Variants in PRIM2 observed in about 807,000 individuals in gnomAD.
PRIM2 encodes DNA primase large subunit.
In PRIM2, 39 loss-of-function variants were observed where a neutral mutation model predicts 67.3. The ratio of observed to expected loss-of-function variants is 0.58; its 90% confidence interval spans 0.45 to 0.76. The LOEUF (loss-of-function observed/expected upper bound fraction) is 0.76. PRIM2 is among the 30% of genes least tolerant of loss of function. PRIM2 has a pLI of 0.00. For missense variants in PRIM2, 398 were observed against 598.7 expected, an observed-to-expected ratio of 0.66 and a Z score of 3.50; for synonymous variants, 143 against 198.7, an observed-to-expected ratio of 0.72 and a Z score of 2.36.
intron 7 of PRIM2, among the ~76,000 whole-genome samples, chr6:57,422,698 A>T (rs1771505462): frequency 6.6e-6 from 1 of 150,682 alleles, no homozygotes; most frequent in Admixed American, 6.6e-5. Flanking sequence ...CATTTTTTTG[A>T]TGGAATTCTT....
intron 7 of PRIM2, among the ~76,000 whole-genome samples, chr6:57,492,262 T>A (rs2127410529): frequency 6.6e-6 from 1 of 152,220 alleles, no homozygotes; most frequent in African/African-American, 2.4e-5. Context: ...ATATGTAATT[T>A]AAAATTTTCT....
intron 7 of PRIM2, among the ~76,000 whole-genome samples, chr6:57,394,923 G>A (rs979283643): frequency 2.0e-5 from 3 of 152,150 alleles, no homozygotes; most frequent in African/African-American, 4.8e-5. Context: ...AGATGATCAT[G>A]TGATTTTTTG....
At chr6:57,588,509 T>G (rs1776233725) in intron 10 of PRIM2, among the ~76,000 whole-genome samples, 2 of 151,526 alleles carry the variant, frequency 1.3e-5, no homozygotes, top group South Asian at 4.2e-4. Flanking sequence ...TAGACAATTC[T>G]CTGGTGAGGA....
chr6:57,428,161 G>T (rs1448572096), intron 7 of PRIM2, among the ~76,000 whole-genome samples: 2 of 152,118 alleles, frequency 1.3e-5, no homozygotes, highest in South Asian at 2.1e-4. Context: ...ACCTTGGAAA[G>T]TGTTTTTTTG....
chr6:57,451,487 C>A (rs879572173), intron 7 of PRIM2, among the ~76,000 whole-genome samples: 2 of 152,042 alleles, frequency 1.3e-5, no homozygotes, highest in Non-Finnish European at 2.9e-5. Flanking sequence ...AATCTTTATT[C>A]GATAATTGGA....
intron 7 of PRIM2, among the ~76,000 whole-genome samples, chr6:57,441,760 A>G (rs575642699): frequency 4.6e-4 from 70 of 152,294 alleles, no homozygotes; most frequent in African/African-American, 1.7e-3. Context: ...TTCTTTGTAG[A>G]TATCTATTCC....
chr6:57,499,246 A>T (rs1554346630), intron 7 of PRIM2, among the ~76,000 whole-genome samples: 1 of 152,226 alleles, frequency 6.6e-6, no homozygotes, highest in East Asian at 1.9e-4. Context: ...TGCCCGACAG[A>T]TATCTCTAAT....
chr6:57,640,940 A>AC (rs1334573002), intron 13 of PRIM2, among the ~76,000 whole-genome samples: 4 of 114,842 alleles, frequency 3.5e-5, no homozygotes, highest in African/African-American at 1.2e-4. Context: ...AAGCAAAAAA[A>AC]CAAAAAAAAA....
chr6:57,469,272 C>A (rs1773280699), intron 7 of PRIM2, among the ~76,000 whole-genome samples: 1 of 152,218 alleles, frequency 6.6e-6, no homozygotes, highest in African/African-American at 2.4e-5. Context: ...AGCTTTCAGT[C>A]TGTGAAAGCA....
At chr6:57,581,459 T>C (rs1776082855) in intron 10 of PRIM2, among the ~76,000 whole-genome samples, 1 of 152,238 alleles carries the variant, frequency 6.6e-6, no homozygotes, top group Non-Finnish European at 1.5e-5. Context: ...AAATTATATT[T>C]GGAAGTTTAA....
At chr6:57,527,647 A>T (rs1272909674) in intron 8 of PRIM2, among the ~76,000 whole-genome samples, 26 of 152,220 alleles carry the variant, frequency 1.7e-4, no homozygotes, top group Admixed American at 1.6e-3. Context: ...ATGATTTTTC[A>T]CTGCCTGCAG....
At chr6:57,326,841 A>G (rs1056948728) in intron 5 of PRIM2, among the ~76,000 whole-genome samples, 1 of 151,494 alleles carries the variant, frequency 6.6e-6, no homozygotes, top group African/African-American at 2.4e-5. Flanking sequence ...AAAAAAGAAG[A>G]GATCTTTGGG....
At chr6:57,635,920 T>G (rs1343913900) in intron 13 of PRIM2, among the ~76,000 whole-genome samples, 1 of 152,300 alleles carries the variant, frequency 6.6e-6, no homozygotes, top group East Asian at 1.9e-4. Context: ...TTTTTAAAAT[T>G]TTCAGTGGCT....
At chr6:57,270,559 C>T in the PRIM2 span, among the ~76,000 whole-genome samples, 2 of 151,870 alleles carry the variant, frequency 1.3e-5, no homozygotes, top group Non-Finnish European at 1.5e-5. Context: ...GATATACAAT[C>T]ATGTCATCTG....
intron 7 of PRIM2, 100 bp downstream of exon 7, chr6:57,382,268 C>T: frequency 7.7e-7 from 1 of 1,292,500 alleles, no homozygotes; most frequent in Non-Finnish European, 1.1e-6. Flanking sequence ...TAAGTTAATT[C>T]AGTTTTCATA....
rs1238317111 is a variant in PRIM2 at position 57,330,348 on chromosome 6, G to GTTTTTTTTTTTTT, written c.459+4315_459+4316insTTTTTTTTTTTTT. Among the ~76,000 whole-genome samples the GTTTTTTTTTTTTT allele has an allele frequency of 4.9e-4, 43 of 87,746 alleles. 1 individual carries two copies. The highest frequency in any genetic ancestry group is 6.0e-4 in the Non-Finnish European group (28 of 46,548). 57.6% of individuals were successfully genotyped at this position (87,746 alleles called of 152,430 possible). A position where few individuals can be genotyped will look rare whatever the true frequency, so the allele number is the denominator to read the frequency against. Reference sequence around the variant, plus strand: ...TGTATCCTGCAACCTTGCTGAACTTGTTTTTTTTTTTTGTTTTTGTTTTTT... The same window carrying GTTTTTTTTTTTTT: ...TGTATCCTGCAACCTTGCTGAACTTGTTTTTTTTTTTTTTTTTTTTTTTTTGTTTTTGTTTTTT... On this transcript the variant is annotated intron_variant, in intron 5 of 13. Coordinates refer to ENST00000615550, the MANE Select transcript of PRIM2 (RefSeq NM_000947.5).
At chr6:57,280,085 A>C in the PRIM2 span, among the ~76,000 whole-genome samples, 1 of 152,220 alleles carries the variant, frequency 6.6e-6, no homozygotes, top group African/African-American at 2.4e-5. Flanking sequence ...CACCCTCAAC[A>C]GTCCTTAGGG....
chr6:57,581,013 G>A (rs1455027333), intron 10 of PRIM2, among the ~76,000 whole-genome samples: 85 of 152,146 alleles, frequency 5.6e-4, no homozygotes, highest in African/African-American at 1.9e-3. Flanking sequence ...TAAGTAAATA[G>A]GGTGAAACTA....
At chr6:57,256,796 C>T in the PRIM2 span, among the ~76,000 whole-genome samples, 12 of 152,068 alleles carry the variant, frequency 7.9e-5, no homozygotes, top group Admixed American at 5.9e-4. Context: ...ATCAGATGCT[C>T]TGCCTTATTT....
Sources: gnomAD v4.1 joint callset for allele counts (sites outside exome capture counted in the v4.1 genomes callset) on GRCh38, gnomAD v4.1.1 for gene constraint, MANE v1.5 for transcripts, NCBI Gene and HGNC (gene_info 2026-07-23, HGNC 2026-07-21) for gene names.